The following KLF12 variants were observed in gnomAD, a reference collection of about 807,000 sequenced individuals.
KLF12 encodes the protein Krueppel-like factor 12.
In KLF12, 9 loss-of-function variants were observed where a neutral mutation model predicts 37.8. That is an observed-to-expected ratio of 0.24 (90% CI 0.14 to 0.42). KLF12 has a LOEUF of 0.42. Among genes scored for constraint, KLF12 ranks in the 10% least tolerant of loss-of-function variants. The pLI is 1.00. For synonymous variants in KLF12, 208 were observed against 202.1 expected (o/e 1.03, Z -0.25); for missense variants, 411 against 516.0 (o/e 0.80, Z 1.97).
At chr13:73,829,182 G>A (rs1884014473) in intron 4 of KLF12, among the ~76,000 whole-genome samples, 1 of 152,126 alleles carries the variant, frequency 6.6e-6, no homozygotes, top group Non-Finnish European at 1.5e-5. Context: ...AATCATGAAT[G>A]TGTATTAATC....
intron 5 of KLF12, among the ~76,000 whole-genome samples, chr13:73,797,784 A>AC (rs1226496376): frequency 1.3e-5 from 2 of 151,792 alleles, no homozygotes; most frequent in African/African-American, 2.4e-5. Context: ...AAAAAAAAAA[A>AC]AAAAAAAAAG....
the KLF12 span, among the ~76,000 whole-genome samples, chr13:74,241,800 G>A: frequency 0.049 from 7,453 of 152,164 alleles, 459 homozygotes; most frequent in African/African-American, 0.14. Flanking sequence ...GCCCTGCTTC[G>A]GCTCGCGCAC....
intron 1 of KLF12, among the ~76,000 whole-genome samples, chr13:74,085,268 T>C (rs1454295488): frequency 6.6e-6 from 1 of 152,206 alleles, no homozygotes; most frequent in African/African-American, 2.4e-5. Flanking sequence ...GGATACCTCA[T>C]CACCTGCCCC....
Position 73,893,142 on chromosome 13 carries a change from C to G in KLF12, c.124-46769G>C, listed in dbSNP as rs559839390. ...CACTCTTTCAAAAAAATCCTTGCCC[C>G]ACACCTCCGCAATGCTTTTCCAATT... is the stretch of plus-strand genomic sequence containing the variant. On this transcript the variant is annotated intron_variant, in intron 3 of 7. Transcript: ENST00000377669. Among the ~76,000 whole-genome samples the G allele has an allele frequency of 9.2e-4, 140 of 152,194 alleles. 1 individual carries two copies. Among genetic ancestry groups the G allele is most frequent in the Middle Eastern group, 3.4e-3 (1 of 294 alleles).
chr13:73,861,184 A>G lies in KLF12; in HGVS notation c.124-14811T>C, dbSNP rs570720973. Reference sequence around the variant, plus strand: ...ATTTTTTTCTGTCAATCGGGGTGTAATACATGGCATGAAGGTTATAAATCC... The same window carrying G: ...ATTTTTTTCTGTCAATCGGGGTGTAGTACATGGCATGAAGGTTATAAATCC... On this transcript the variant is annotated intron_variant, in intron 3 of 7. Transcript: ENST00000377669. Among the ~76,000 whole-genome samples, 3 of 152,238 alleles carry G rather than the reference A, an allele frequency of 2.0e-5. No individual in the cohort carries two copies. In the Middle Eastern group the frequency reaches 0.01, roughly 518 times the overall value.
intron 4 of KLF12, among the ~76,000 whole-genome samples, chr13:73,837,359 A>G (rs1884491022): frequency 1.3e-5 from 2 of 152,194 alleles, no homozygotes; most frequent in African/African-American, 2.4e-5. Flanking sequence ...AGCGAAATCG[A>G]CAGATTGTAG....
chr13:74,042,414 T>C (rs1893430702), intron 1 of KLF12, among the ~76,000 whole-genome samples: 2 of 152,130 alleles, frequency 1.3e-5, no homozygotes, highest in Non-Finnish European at 2.9e-5. Flanking sequence ...CTTGAAAATG[T>C]ATCTGACCTG....
intron 3 of KLF12, among the ~76,000 whole-genome samples, chr13:73,896,007 A>G (rs1271297577): frequency 2.0e-5 from 3 of 151,966 alleles, no homozygotes; most frequent in African/African-American, 7.3e-5. Flanking sequence ...TTTTTAGTAG[A>G]GAGAGGGTTT....
At chr13:73,910,066 C>T (rs1001258356) in intron 3 of KLF12, among the ~76,000 whole-genome samples, 8 of 152,130 alleles carry the variant, frequency 5.3e-5, no homozygotes, top group African/African-American at 1.9e-4. Flanking sequence ...ATAGAGATTA[C>T]AGCAAGTTAA....
chr13:74,260,624 AAAAT>A, the KLF12 span, among the ~76,000 whole-genome samples: 1 of 117,608 alleles, frequency 8.5e-6, no homozygotes, highest in Non-Finnish European at 1.6e-5. Flanking sequence ...AAAATAAAAT[AAAAT>A]AGTGAATTAA....
chr13:73,902,150 T>G (rs1245413366), intron 3 of KLF12, among the ~76,000 whole-genome samples: 1 of 152,226 alleles, frequency 6.6e-6, no homozygotes, highest in Non-Finnish European at 1.5e-5. Context: ...GTGTAATTAC[T>G]TGGACTTTTA....
the KLF12 span, among the ~76,000 whole-genome samples, chr13:74,186,124 G>T: frequency 3.9e-5 from 6 of 151,922 alleles, no homozygotes; most frequent in Non-Finnish European, 8.8e-5. Flanking sequence ...CAATTGCCAG[G>T]CTCTTCCAGA....
intron 5 of KLF12, among the ~76,000 whole-genome samples, chr13:73,784,476 T>A (rs1023464326): frequency 2.2e-5 from 3 of 137,548 alleles, no homozygotes; most frequent in African/African-American, 8.1e-5. Context: ...TAATACTGAT[T>A]TTAATCCAGT....
At chr13:74,283,516 C>G in the KLF12 span, among the ~76,000 whole-genome samples, 1 of 152,168 alleles carries the variant, frequency 6.6e-6, no homozygotes, top group Non-Finnish European at 1.5e-5. Flanking sequence ...CCACTACATT[C>G]CATGCAGATA....
At chr13:73,952,971 A>G (rs1890697591) in intron 2 of KLF12, among the ~76,000 whole-genome samples, 1 of 152,232 alleles carries the variant, frequency 6.6e-6, no homozygotes, top group South Asian at 2.1e-4. Context: ...TCAGAGCTGT[A>G]CAGCCTTTGA....
At chr13:73,972,939 A>G (rs2138118079) in intron 2 of KLF12, among the ~76,000 whole-genome samples, 1 of 152,210 alleles carries the variant, frequency 6.6e-6, no homozygotes, top group South Asian at 2.1e-4. Flanking sequence ...TCGTATAAAC[A>G]CTTCATCATT....
the KLF12 span, among the ~76,000 whole-genome samples, chr13:74,284,625 C>T: frequency 6.6e-6 from 1 of 152,144 alleles, no homozygotes; most frequent in African/African-American, 2.4e-5. Flanking sequence ...CTGTGCTCAA[C>T]TTGCTTCTAA....
At chr13:73,992,562 G>T (rs796744491) in intron 2 of KLF12, among the ~76,000 whole-genome samples, 14 of 152,248 alleles carry the variant, frequency 9.2e-5, no homozygotes, top group African/African-American at 3.4e-4. Context: ...TAAATCCCAA[G>T]TAGGCTATTT....
chr13:73,794,519 A>C (rs534771618), intron 5 of KLF12, among the ~76,000 whole-genome samples: 3 of 152,328 alleles, frequency 2.0e-5, no homozygotes, highest in African/African-American at 7.2e-5. Flanking sequence ...CTGTGGGTAT[A>C]GTTTAGTACA....
Sources: gnomAD v4.1 joint callset for allele counts (sites outside exome capture counted in the v4.1 genomes callset) on GRCh38, gnomAD v4.1.1 for gene constraint, MANE v1.5 for transcripts, NCBI Gene and HGNC (gene_info 2026-07-23, HGNC 2026-07-21) for gene names.